Variants in GLIS3 observed in about 807,000 individuals in gnomAD.
GLIS3 encodes zinc finger protein GLIS3.
GLIS3 carries 53 observed loss-of-function variants against 78.6 expected under a neutral mutation model. That is an observed-to-expected ratio of 0.67 (90% CI 0.54 to 0.85). GLIS3 has a LOEUF of 0.85. Ranked by LOEUF, GLIS3 falls within the 40% of genes least tolerant of loss-of-function variation. The pLI, the probability that GLIS3 is intolerant of heterozygous loss-of-function variation, is 0.00. For synonymous variants in GLIS3, 684 were observed against 509.9 expected (o/e 1.34, Z -4.60); for missense variants, 1,703 against 1,231.1 (o/e 1.38, Z -5.74).
At chr9:4,021,504 T>C (rs1023695092) in intron 4 of GLIS3, among the ~76,000 whole-genome samples, 4 of 152,192 alleles carry the variant, frequency 2.6e-5, no homozygotes, top group African/African-American at 7.2e-5. Context: ...GCTTCATATC[T>C]GCTTGATATG....
intron 9 of GLIS3, among the ~76,000 whole-genome samples, chr9:3,850,474 C>G (rs909452703): frequency 2.0e-5 from 3 of 152,214 alleles, no homozygotes; most frequent in Non-Finnish European, 4.4e-5. Flanking sequence ...TGCACATTAT[C>G]CTGACATCAT....
intron 2 of GLIS3, among the ~76,000 whole-genome samples, chr9:4,179,250 A>T (rs759320285): frequency 1.2e-4 from 18 of 152,342 alleles, no homozygotes; most frequent in Non-Finnish European, 2.4e-4. Context: ...GCTATTAATA[A>T]TGAACAAGCC....
At chr9:3,932,251 T>C in intron 6 of GLIS3, 109 bp downstream of exon 6, 1 of 825,594 alleles carries the variant, frequency 1.2e-6, no homozygotes, top group South Asian at 1.4e-5. Context: ...CTAAAGCAGG[T>C]TATACCATGA....
chr9:4,030,292 A>T (rs1823720720), intron 4 of GLIS3, among the ~76,000 whole-genome samples: 1 of 152,016 alleles, frequency 6.6e-6, no homozygotes, highest in South Asian at 2.1e-4. Flanking sequence ...TTTTGACTGG[A>T]TTATTAGATT....
At chr9:4,400,101 A>T in the GLIS3 span, among the ~76,000 whole-genome samples, 1 of 152,222 alleles carries the variant, frequency 6.6e-6, no homozygotes. Context: ...CCCAAGGACC[A>T]GGAGTATCAT....
chr9:4,265,985 C>T (rs1274207749), intron 2 of GLIS3, among the ~76,000 whole-genome samples: 1 of 150,988 alleles, frequency 6.6e-6, no homozygotes, highest in African/African-American at 2.4e-5. Flanking sequence ...GTGACATGAT[C>T]TCGGCTCACT....
At chr9:4,213,086 C>T (rs67624986) in intron 2 of GLIS3, among the ~76,000 whole-genome samples, 15,445 of 152,176 alleles carry the variant, frequency 0.1, 867 homozygotes, top group Middle Eastern at 0.16. Flanking sequence ...CTTGCTCCTA[C>T]GTGCCATCAA....
At chr9:3,920,220 G>A (rs1360131514) in intron 6 of GLIS3, among the ~76,000 whole-genome samples, 2 of 152,134 alleles carry the variant, frequency 1.3e-5, no homozygotes, top group African/African-American at 2.4e-5. Context: ...AGCCAGGATG[G>A]TCTCAATCTC....
intron 2 of GLIS3, among the ~76,000 whole-genome samples, chr9:4,159,611 G>A (rs993751672): frequency 1.3e-5 from 2 of 152,044 alleles, no homozygotes; most frequent in Admixed American, 1.3e-4. Context: ...TCCAGCTACT[G>A]GGGAGGCTGA....
intron 2 of GLIS3, among the ~76,000 whole-genome samples, chr9:4,200,350 A>G (rs1447115423): frequency 1.3e-5 from 2 of 152,194 alleles, no homozygotes; most frequent in African/African-American, 4.8e-5. Flanking sequence ...ATCCATAAAG[A>G]ATCAGCAAAA....
intron 4 of GLIS3, among the ~76,000 whole-genome samples, chr9:3,984,758 A>G (rs1819596485): frequency 6.6e-6 from 1 of 152,188 alleles, no homozygotes; most frequent in Non-Finnish European, 1.5e-5. Flanking sequence ...CTCATCTTGA[A>G]TGGTAACTCC....
the GLIS3 span, among the ~76,000 whole-genome samples, chr9:4,374,660 G>A: frequency 1.2e-4 from 19 of 152,338 alleles, no homozygotes; most frequent in African/African-American, 3.8e-4. Flanking sequence ...CCACCAGGAG[G>A]AAGAGAATGA....
chr9:4,436,810 C>CAATAAA, the GLIS3 span, among the ~76,000 whole-genome samples: 2 of 53,592 alleles, frequency 3.7e-5, no homozygotes, highest in African/African-American at 1.5e-4. Context: ...GACTGCATCT[C>CAATAAA]AAAAAAAAAA....
intron 9 of GLIS3, among the ~76,000 whole-genome samples, chr9:3,838,707 C>G (rs959548201): frequency 1.3e-5 from 2 of 150,244 alleles, no homozygotes; most frequent in Non-Finnish European, 3.0e-5. Flanking sequence ...ACCAACTACA[C>G]TAAACAGTCT....
At position 3,951,841 on chromosome 9, in the gene GLIS3, A is replaced by AACACACACACACAC. The variant is rs3061609; in HGVS notation, c.1711-14666_1711-14653dup. 8.9e-3 allele frequency among the ~76,000 whole-genome samples: 1,162 copies of AACACACACACACAC among 130,568 alleles called. 11 individuals are homozygous for AACACACACACACAC. Among genetic ancestry groups the AACACACACACACAC allele is most frequent in the East Asian group, 0.023 (96 of 4,238 alleles). 85.7% of individuals were successfully genotyped at this position (130,568 alleles called of 152,430 possible). A position where few individuals can be genotyped will look rare whatever the true frequency, so the allele number is the denominator to read the frequency against. On this transcript the variant is annotated intron_variant, in intron 4 of 10. Transcript: ENST00000381971. ...AGAGAGAAAGAGAGGAATAAGCATG[A>AACACACACACACAC]ACACACACACACACACACACACACA...
chr9:4,318,310 C>T (rs935729110), intron 2 of GLIS3, among the ~76,000 whole-genome samples: 2 of 152,134 alleles, frequency 1.3e-5, no homozygotes, highest in African/African-American at 4.8e-5. Flanking sequence ...ACTGAAAGCA[C>T]CTAGAATCAA....
At chr9:4,193,778 C>T (rs948161226) in intron 2 of GLIS3, among the ~76,000 whole-genome samples, 1 of 152,212 alleles carries the variant, frequency 6.6e-6, no homozygotes, top group East Asian at 1.9e-4. Context: ...AATGAAAATA[C>T]GTTGACTAAA....
chr9:3,855,570 G>T (rs1341972033), intron 9 of GLIS3: 3 of 233,278 alleles, frequency 1.3e-5, no homozygotes, highest in Non-Finnish European at 2.6e-5. Context: ...GGGGGATCAG[G>T]AAGGGCTTCA....
chr9:4,424,091 T>C, the GLIS3 span, among the ~76,000 whole-genome samples: 3 of 152,226 alleles, frequency 2.0e-5, no homozygotes, highest in Non-Finnish European at 4.4e-5. Flanking sequence ...AAAGTTCAAT[T>C]ACAAGAAAAC....
Sources: allele counts gnomAD v4.1 joint callset (sites outside exome capture counted in the v4.1 genomes callset), GRCh38; gene constraint gnomAD v4.1.1; transcripts MANE v1.5; gene names NCBI Gene and HGNC (gene_info 2026-07-23, HGNC 2026-07-21).